ENTREP2: variants seen among roughly 807,000 people sequenced by gnomAD.
The protein encoded by ENTREP2 is protein ENTREP2.
At chr15:29,495,672 T>C in the ENTREP2 span, among the ~76,000 whole-genome samples, 1 of 152,174 alleles carries the variant, frequency 6.6e-6, no homozygotes, top group Non-Finnish European at 1.5e-5. Flanking sequence ...AATGATCCTT[T>C]TCCCATTGTG....
chr15:29,548,391 G>C, the ENTREP2 span, among the ~76,000 whole-genome samples: 2 of 151,002 alleles, frequency 1.3e-5, no homozygotes, highest in East Asian at 3.9e-4. Flanking sequence ...GGGAGACAGA[G>C]GTGCAGTGAG....
At chr15:29,476,741 C>T in the ENTREP2 span, among the ~76,000 whole-genome samples, 1 of 152,178 alleles carries the variant, frequency 6.6e-6, no homozygotes, top group South Asian at 2.1e-4. Flanking sequence ...GAGTAGAAGC[C>T]ACAGAGGTAC....
At chr15:29,193,004 A>C in the ENTREP2 span, among the ~76,000 whole-genome samples, 1 of 152,210 alleles carries the variant, frequency 6.6e-6, no homozygotes, top group Admixed American at 6.5e-5. Context: ...TCTATGAAAA[A>C]CTTAGCGCTA....
the ENTREP2 span, among the ~76,000 whole-genome samples, chr15:29,203,184 C>T: frequency 3.9e-5 from 6 of 152,180 alleles, no homozygotes; most frequent in African/African-American, 7.2e-5. Flanking sequence ...AGGCGGATCA[C>T]GAGGACAGGA....
the ENTREP2 span, among the ~76,000 whole-genome samples, chr15:29,341,654 G>A: frequency 6.6e-6 from 1 of 152,182 alleles, no homozygotes; most frequent in African/African-American, 2.4e-5. Context: ...AGGAAGCAAA[G>A]GCTGCATCTT....
the ENTREP2 span, among the ~76,000 whole-genome samples, chr15:29,606,424 C>T: frequency 6.6e-6 from 1 of 151,652 alleles, no homozygotes; most frequent in African/African-American, 2.4e-5. Flanking sequence ...TTAGTAGAGA[C>T]GGGGTTTCAC....
At chr15:29,505,878 C>A in the ENTREP2 span, among the ~76,000 whole-genome samples, 3 of 152,050 alleles carry the variant, frequency 2.0e-5, no homozygotes, top group African/African-American at 7.2e-5. The surrounding 1 kb of genome is among the most constrained non-coding windows in gnomAD (Gnocchi z 4.3). Context: ...CAACTCCTTG[C>A]CAACAAGAAA....
the ENTREP2 span, among the ~76,000 whole-genome samples, chr15:29,624,600 C>A: frequency 9.9e-5 from 15 of 152,142 alleles, no homozygotes; most frequent in Non-Finnish European, 2.1e-4. Flanking sequence ...TGAGCTCTAA[C>A]TACAGAATTT....
chr15:29,579,271 A>T, the ENTREP2 span, among the ~76,000 whole-genome samples: 1 of 152,226 alleles, frequency 6.6e-6, no homozygotes, highest in Non-Finnish European at 1.5e-5. Flanking sequence ...TAGAGAAATA[A>T]GCATTAGGAT....
chr15:29,485,904 G>C, the ENTREP2 span, among the ~76,000 whole-genome samples: 1 of 152,296 alleles, frequency 6.6e-6, no homozygotes, highest in South Asian at 2.1e-4. Flanking sequence ...CTTATACACT[G>C]TTGGTGAGAA....
chr15:29,474,151 T>C, the ENTREP2 span, among the ~76,000 whole-genome samples: 1 of 152,140 alleles, frequency 6.6e-6, no homozygotes, highest in Non-Finnish European at 1.5e-5. Context: ...TAAAGACCAG[T>C]GCCCATCCTG....
At chr15:29,324,063 GA>G in the ENTREP2 span, among the ~76,000 whole-genome samples, 1 of 151,838 alleles carries the variant, frequency 6.6e-6, no homozygotes, top group African/African-American at 2.4e-5. Context: ...GAAAAAAAGG[GA>G]AAGAAGTGAA....
chr15:29,465,648 A>G, the ENTREP2 span, among the ~76,000 whole-genome samples: 78,243 of 152,080 alleles, frequency 0.51, 21,461 homozygotes, highest in African/African-American at 0.73. Context: ...TTTGATTCTC[A>G]AATTGTATGG....
the ENTREP2 span, among the ~76,000 whole-genome samples, chr15:29,159,151 G>C: frequency 6.6e-6 from 1 of 152,086 alleles, no homozygotes; most frequent in African/African-American, 2.4e-5. Flanking sequence ...GGCGTGTCTG[G>C]AGTCTGTTCG....
At chr15:29,624,901 G>T in the ENTREP2 span, among the ~76,000 whole-genome samples, 2 of 151,248 alleles carry the variant, frequency 1.3e-5, no homozygotes, top group Non-Finnish European at 1.5e-5. Context: ...GTGTGTGTGT[G>T]TGTGTGTATA....
the ENTREP2 span, chr15:29,124,554 A>G: frequency 2.9e-6 from 2 of 683,318 alleles, no homozygotes; most frequent in East Asian, 5.5e-5. Context: ...TCAAAGCCAG[A>G]CAGTGGGCAG....
the ENTREP2 span, among the ~76,000 whole-genome samples, chr15:29,535,330 T>C: frequency 7.7e-4 from 117 of 152,010 alleles, no homozygotes; most frequent in Admixed American, 1.6e-3. Flanking sequence ...CCTAATAAAA[T>C]CTTTTTCTTT....
At chr15:29,611,792 C>T in the ENTREP2 span, among the ~76,000 whole-genome samples, 1 of 152,182 alleles carries the variant, frequency 6.6e-6, no homozygotes, top group Non-Finnish European at 1.5e-5. Context: ...CACTTCATGC[C>T]CTTCTCTGGT....
At chr15:29,159,552 A>G in the ENTREP2 span, among the ~76,000 whole-genome samples, 1 of 152,102 alleles carries the variant, frequency 6.6e-6, no homozygotes, top group African/African-American at 2.4e-5. Flanking sequence ...CATTTTACAG[A>G]GAGCTGATTG....
Sources: allele counts gnomAD v4.1 joint callset (sites outside exome capture counted in the v4.1 genomes callset), GRCh38; gene constraint gnomAD v4.1.1; non-coding constraint Gnocchi (gnomAD v3.1); transcripts MANE v1.5; gene names NCBI Gene and HGNC (gene_info 2026-07-23, HGNC 2026-07-21).